TGM3: variants seen among roughly 807,000 people sequenced by gnomAD.
TGM3 encodes the protein transglutaminase 3.
In TGM3, 52 loss-of-function variants were observed where a neutral mutation model predicts 73.8. The ratio of observed to expected loss-of-function variants is 0.70; its 90% CI spans 0.56 to 0.89. TGM3 has a LOEUF of 0.89. TGM3 is among the 40% of genes least tolerant of loss of function. The probability of loss-of-function intolerance (pLI) is 0.00; values close to 1 mark genes in which losing one functional copy is unlikely to be tolerated. For missense variants in TGM3, 928 were observed against 909.9 expected (o/e 1.02, Z -0.26); for synonymous variants, 372 against 354.9 (o/e 1.05, Z -0.54).
At chr20:2,297,494 GC>G (rs1462931848) in intron 1 of TGM3, among the ~76,000 whole-genome samples, 1 of 152,124 alleles carries the variant, frequency 6.6e-6, no homozygotes, top group Non-Finnish European at 1.5e-5. Context: ...CACGTGCCCA[GC>G]CCCCAGGAAT....
chr20:2,300,352 A>G (rs11904869), intron 1 of TGM3, among the ~76,000 whole-genome samples: 3,191 of 152,308 alleles, frequency 0.021, 119 homozygotes, highest in African/African-American at 0.073. Context: ...TCTCAGACCA[A>G]TAGAACATTC....
intron 9 of TGM3, among the ~76,000 whole-genome samples, chr20:2,329,895 C>T (rs1004292540): frequency 6.6e-6 from 1 of 152,184 alleles, no homozygotes; most frequent in Non-Finnish European, 1.5e-5. Flanking sequence ...TCTATAGCCT[C>T]ACTGGAACAA....
intron 1 of TGM3, among the ~76,000 whole-genome samples, chr20:2,302,739 G>T (rs386361): frequency 4.6e-5 from 2 of 43,282 alleles, no homozygotes; most frequent in Non-Finnish European, 1.6e-4. Context: ...ATTTAAAACA[G>T]GTATTCAAAC....
chr20:2,324,438 GC>G, intron 7 of TGM3, among the ~76,000 whole-genome samples: 1 of 152,170 alleles, frequency 6.6e-6, no homozygotes, highest in East Asian at 1.9e-4. Flanking sequence ...AGTGATTTTG[GC>G]TCATACCCCA....
chr20:2,307,546 C>T (rs1259834958), intron 1 of TGM3, among the ~76,000 whole-genome samples: 1 of 152,114 alleles, frequency 6.6e-6, no homozygotes, highest in African/African-American at 2.4e-5. Flanking sequence ...TTTCCTGATC[C>T]CTACAACTGA....
intron 4 of TGM3, among the ~76,000 whole-genome samples, chr20:2,311,961 A>C (rs572805465): frequency 6.6e-6 from 1 of 152,336 alleles, no homozygotes; most frequent in Admixed American, 6.5e-5. Flanking sequence ...CAAAGACCTA[A>C]GGCAAGAGGA....
rs749191949 is a variant in TGM3 at position 2,317,054 on chromosome 20, T to C, written c.670-14T>C. 1.2e-6 allele frequency: 2 copies of C among 1,610,184 alleles called. No homozygotes were observed. The highest frequency in any genetic ancestry group is 8.5e-7 in the Non-Finnish European group (1 of 1,177,846). The stretch of plus-strand genomic sequence containing the variant: ...TTAGTGCTGACTCATTTTGGGGGGG[T>C]GGTTTCTGCCCAGATCAATAGCAAT... On this transcript the variant is annotated splice_polypyrimidine_tract_variant and intron_variant, in intron 5 of 12. Transcript: ENST00000381458.
At chr20:2,329,259 C>T (rs748045527) in intron 9 of TGM3, among the ~76,000 whole-genome samples, 22 of 152,108 alleles carry the variant, frequency 1.4e-4, no homozygotes, top group Non-Finnish European at 2.5e-4. Flanking sequence ...ACAAAGTAAG[C>T]CCTGAATCTC....
chr20:2,337,603 C>A (rs2084357218), intron 11 of TGM3, among the ~76,000 whole-genome samples: 1 of 151,862 alleles, frequency 6.6e-6, no homozygotes, highest in East Asian at 1.9e-4. Context: ...ACCTATAATC[C>A]CAGCTACTTG....
intron 11 of TGM3, among the ~76,000 whole-genome samples, chr20:2,337,489 C>T (rs186094286): frequency 1.2e-3 from 181 of 152,248 alleles, no homozygotes; most frequent in African/African-American, 4.2e-3. Context: ...GAAGCCGAGG[C>T]AGGTGGAGCA....
chr20:2,299,892 G>A (rs1015982540), intron 1 of TGM3, among the ~76,000 whole-genome samples: 1 of 152,138 alleles, frequency 6.6e-6, no homozygotes, highest in African/African-American at 2.4e-5. Flanking sequence ...GAGGTCAGGA[G>A]TTCGAGACCA....
chr20:2,313,068 A>T, intron 5 of TGM3, 42 bp downstream of exon 5: 1 of 1,612,716 alleles, frequency 6.2e-7, no homozygotes, highest in South Asian at 1.1e-5. Context: ...GTCATCATAT[A>T]TTGAACACCA....
intron 1 of TGM3, among the ~76,000 whole-genome samples, chr20:2,307,822 T>C (rs995346447): frequency 6.6e-5 from 10 of 152,236 alleles, no homozygotes; most frequent in African/African-American, 2.4e-4. Context: ...ATGATGGTCA[T>C]CGCATGATAT....
In TGM3 at chr20:2,339,870, G is replaced by A. The variant is rs757993770; in HGVS notation, c.1817G>A (p.Arg606His). The A allele has an allele frequency of 7.4e-6, 12 of 1,613,922 alleles. No individual in the cohort carries two copies. The highest frequency in any genetic ancestry group is 4.5e-5 in the East Asian group (2 of 44,884). ...TLTLEVLNEA[R>H]VRKPVNVQML... Reference sequence around the variant, plus strand: ...CCCCCATAGGTGCTGAACGAGGCTCGTGTGCGGAAGCCTGTGAACGTGCAG... The same window carrying A: ...CCCCCATAGGTGCTGAACGAGGCTCATGTGCGGAAGCCTGTGAACGTGCAG... The change falls in exon 12 of 13, where the codon CGT becomes CAT. Residue 606 changes from arginine (R) to histidine (H), a missense_variant. Transcript: ENST00000381458.
chr20:2,297,392 T>C (rs920503635), intron 1 of TGM3, among the ~76,000 whole-genome samples: 1 of 152,208 alleles, frequency 6.6e-6, no homozygotes, highest in African/African-American at 2.4e-5. Context: ...GTTTTCAAGA[T>C]GAAAGCTTTG....
chr20:2,303,538 T>C (rs1285635583), intron 1 of TGM3, among the ~76,000 whole-genome samples: 2 of 152,136 alleles, frequency 1.3e-5, no homozygotes, highest in East Asian at 1.9e-4. Flanking sequence ...ATGGTTTAAA[T>C]GGCAATTTTT....
intron 9 of TGM3, among the ~76,000 whole-genome samples, chr20:2,329,978 C>T (rs974617034): frequency 6.6e-6 from 1 of 152,116 alleles, no homozygotes; most frequent in African/African-American, 2.4e-5. Flanking sequence ...CCTTACCTTA[C>T]CCCACACCTT....
At chr20:2,309,574 C>T in intron 1 of TGM3, 83 bp from the exon 2 acceptor site, 1 of 1,440,572 alleles carries the variant, frequency 6.9e-7, no homozygotes, top group Non-Finnish European at 9.6e-7. Flanking sequence ...CACCCCAAAG[C>T]TGCTCTTTGG....
intron 3 of TGM3, 88 bp downstream of exon 3, chr20:2,310,505 T>G (rs528207924): frequency 1.9e-6 from 3 of 1,553,282 alleles, no homozygotes; most frequent in South Asian, 2.5e-5. Context: ...CAGGCTCAAG[T>G]TTGATTAGGG....
Sources: gnomAD v4.1 joint callset for allele counts (sites outside exome capture counted in the v4.1 genomes callset) on GRCh38, gnomAD v4.1.1 for gene constraint, MANE v1.5 for transcripts, NCBI Gene and HGNC (gene_info 2026-07-23, HGNC 2026-07-21) for gene names.